HELZ2: variants seen among roughly 807,000 people sequenced by gnomAD.
HELZ2 encodes the protein 3'-5' exoribonuclease HELZ2.
HELZ2 carries 143 observed loss-of-function variants against 208.8 expected under a neutral mutation model. The ratio of observed to expected loss-of-function variants is 0.68; its 90% CI spans 0.60 to 0.79. HELZ2 has a LOEUF of 0.79. Ranked by LOEUF, HELZ2 falls within the 30% of genes least tolerant of loss-of-function variation. The pLI, the probability that HELZ2 is intolerant of heterozygous loss-of-function variation, is 0.00. For missense variants in HELZ2, 3,690 were observed against 3,794.5 expected, an observed-to-expected ratio of 0.97 and a Z score of 0.72; for synonymous variants, 1,705 against 1,693.7, an observed-to-expected ratio of 1.01 and a Z score of -0.16.
chr20:63,562,695 C>T, exon 8 of HELZ2: 1 of 1,599,846 alleles, frequency 6.3e-7, no homozygotes, highest in Non-Finnish European at 8.5e-7. Context: ...CCGTGGGCCA[C>T]CCAGGTATAC....
chr20:63,573,681 A>G (rs1451718229), upstream of HELZ2, among the ~76,000 whole-genome samples: 1 of 152,118 alleles, frequency 6.6e-6, no homozygotes, highest in South Asian at 2.1e-4. The surrounding 1 kb of genome is among the most constrained non-coding windows in gnomAD (Gnocchi z 4.9). Flanking sequence ...CCCCCAGGAA[A>G]AGAGGACTCC....
exon 5 of HELZ2, chr20:63,568,928 G>T: frequency 6.2e-7 from 1 of 1,608,822 alleles, no homozygotes. Flanking sequence ...TGCTCCCGGA[G>T]GCGCGAAGAG....
At chr20:63,569,615 G>A in exon 4 of HELZ2, 2 of 1,553,590 alleles carry the variant, frequency 1.3e-6, no homozygotes, top group Non-Finnish European at 8.7e-7. Flanking sequence ...CCACCAGAGA[G>A]AAGTCGGCTC....
exon 6 of HELZ2, chr20:63,567,439 C>T (rs199683164): frequency 1.6e-5 from 25 of 1,561,392 alleles, no homozygotes; most frequent in Middle Eastern, 1.7e-4. Flanking sequence ...CACGCGGTGC[C>T]GCGCCAGCTC....
exon 8 of HELZ2, chr20:63,562,735 G>A (rs776883983): frequency 1.5e-5 from 24 of 1,603,252 alleles, no homozygotes; most frequent in Non-Finnish European, 1.9e-5. Flanking sequence ...GGCCAGGGCC[G>A]AGGCTGCTGG....
Position 63,568,508 on chromosome 20 carries a change from G to A in HELZ2, c.1580C>T (p.Ala527Val), listed in dbSNP as rs371989070. Reference sequence around the variant, plus strand: ...CCTCCCATCCCCAGGGCCCCAGCCCGCGATGAGCGCCACGGCCAGCTCCTG... The same window carrying A: ...CCTCCCATCCCCAGGGCCCCAGCCCACGATGAGCGCCACGGCCAGCTCCTG... Residue 527 changes from alanine to valine, a missense_variant, in exon 5 of 19, where the codon GCG becomes GTG. Around this residue, in one of 3 missense-constraint regions of HELZ2, gnomAD observed 1,119 missense variants for 1,193.4 expected, o/e 0.94. Coordinates refer to ENST00000467148, the Ensembl canonical transcript of HELZ2. The A allele has an allele frequency of 3.5e-5, 56 of 1,584,170 alleles. No individual in the cohort carries two copies. Among genetic ancestry groups the A allele is most frequent in the Non-Finnish European group, 3.7e-5 (43 of 1,167,736 alleles).
At chr20:63,561,463 G>A (rs1569028681) in exon 13 of HELZ2, 1 of 1,606,218 alleles carries the variant, frequency 6.2e-7, no homozygotes. Context: ...GCAGGGTGAT[G>A]CTCCTGGGGG....
At chr20:63,567,837 C>A in intron 5 of HELZ2, 9 of 1,164,526 alleles carry the variant, frequency 7.7e-6, no homozygotes, top group Non-Finnish European at 1.1e-5. Flanking sequence ...GCGAGCCCAG[C>A]GGCTCCTCTG....
At position 63,563,343 on chromosome 20, in the gene HELZ2, G is replaced by A. The variant is rs558733864; in HGVS notation, c.5479C>T (p.Leu1827=). 27 of 1,538,848 alleles carry A rather than the reference G, an allele frequency of 1.8e-5. No individual in the cohort carries two copies. In the East Asian group the frequency reaches 5.8e-4, roughly 33 times the overall value. ...ACCAGCTCCAGCAGCTGCTTCCACA[G>A]GGCCGTCTCCACGGCCAGGGTGTGT... Residue 1827 remains leucine (L), a synonymous_variant, in exon 8 of 19, where the codon CTG becomes TTG. Transcript: ENST00000467148.
exon 11 of HELZ2, chr20:63,561,839 C>T (rs1464155019): frequency 1.2e-5 from 18 of 1,563,482 alleles, no homozygotes; most frequent in African/African-American, 5.4e-5. Flanking sequence ...GGACATCCAC[C>T]GACTTGTTGG....
exon 8 of HELZ2, chr20:63,566,114 G>A (rs1169180638): frequency 2.5e-6 from 4 of 1,583,516 alleles, no homozygotes; most frequent in African/African-American, 1.3e-5. Context: ...CTGGGCGCGG[G>A]TCAGGACGGT....
chr20:63,559,167 G>A, downstream of HELZ2: 1 of 1,415,584 alleles, frequency 7.1e-7, no homozygotes, highest in Admixed American at 2.6e-5. Flanking sequence ...GCAGGCTGAT[G>A]GCGGAGGGTG....
chr20:63,563,278 C>A, exon 8 of HELZ2: 1 of 1,554,090 alleles, frequency 6.4e-7, no homozygotes, highest in East Asian at 2.4e-5. Flanking sequence ...CGCCCTTCTC[C>A]TGGATGAGAG....
chr20:63,570,443 G>A (rs766044263), intron 3 of HELZ2, 61 bp downstream of exon 4: 31 of 1,391,084 alleles, frequency 2.2e-5, no homozygotes, highest in South Asian at 3.6e-5. Flanking sequence ...ACGTCTGCCC[G>A]GGCTGAAGTC....
chr20:63,565,416 G>T lies in HELZ2; in HGVS notation c.3406C>A (p.Pro1136Thr), dbSNP rs547343020. 6 of 1,610,956 alleles carry T rather than the reference G, an allele frequency of 3.7e-6. No individual in the cohort carries two copies. In the Admixed American group the frequency reaches 1.0e-4, roughly 27 times the overall value. ...GCTGACGCCCGCTCGAAGGTCTCTG[G>T]CACGAAAGAGCAGTGGCGGTACCGC... The change falls in exon 8 of 19, where the codon CCA becomes ACA. Residue 1136 changes from proline (P) to threonine (T), a missense_variant. Pro to Thr is a conservative substitution (Grantham distance 38). Around this residue, in one of 3 missense-constraint regions of HELZ2, gnomAD observed 2,564 missense variants for 2,580.5 expected, o/e 0.99. Transcript: ENST00000467148.
chr20:63,567,273 G>A (rs540033381), exon 6 of HELZ2: 3 of 1,608,736 alleles, frequency 1.9e-6, no homozygotes, highest in East Asian at 2.2e-5. Flanking sequence ...CCTGCATGTG[G>A]TCGCCCGCCA....
chr20:63,569,088 C>T (rs961786400), intron 4 of HELZ2, 60 bp downstream of exon 5: 6 of 1,584,340 alleles, frequency 3.8e-6, no homozygotes, highest in South Asian at 1.1e-5. Context: ...GTTGCCCCAG[C>T]CGCTCCCATT....
At chr20:63,564,669 G>A in exon 8 of HELZ2, 1 of 1,582,332 alleles carries the variant, frequency 6.3e-7, no homozygotes. Flanking sequence ...TCCACGTCCA[G>A]CACCCCGTCC....
At chr20:63,566,817 G>A (rs983920775) in intron 6 of HELZ2, 27 bp downstream of exon 7, 12 of 1,566,626 alleles carry the variant, frequency 7.7e-6, no homozygotes, top group Non-Finnish European at 1.0e-5. Flanking sequence ...GTGCGGTCGG[G>A]GGCTGTCCCG....
Sources: gnomAD v4.1 joint callset for allele counts (sites outside exome capture counted in the v4.1 genomes callset) on GRCh38, gnomAD v4.1.1 for gene constraint, gnomAD v4.1.1 regional missense constraint, Gnocchi (gnomAD v3.1) non-coding constraint, MANE v1.5 for transcripts, NCBI Gene and HGNC (gene_info 2026-07-23, HGNC 2026-07-21) for gene names.